Variants in DGKB observed in about 807,000 individuals in gnomAD.
The protein encoded by DGKB is 90 kDa diacylglycerol kinase.
A neutral mutation model predicts 114.3 loss-of-function variants in DGKB; 67 were observed. That is an observed-to-expected ratio of 0.59 (90% CI 0.48 to 0.72). DGKB has a LOEUF of 0.72. DGKB is among the 30% of genes least tolerant of loss of function. DGKB has a pLI of 0.00. For missense variants in DGKB, 907 were observed against 975.2 expected (o/e 0.93, Z 0.93); for synonymous variants, 398 against 323.1 (o/e 1.23, Z -2.49).
At chr7:14,358,460 T>C (rs1815029688) in intron 21 of DGKB, among the ~76,000 whole-genome samples, 1 of 152,142 alleles carries the variant, frequency 6.6e-6, no homozygotes, top group Non-Finnish European at 1.5e-5. Context: ...AAGTCTTCTC[T>C]GCATTGCTTA....
chr7:14,193,850 A>T (rs375558777), intron 23 of DGKB, among the ~76,000 whole-genome samples: 164 of 152,236 alleles, frequency 1.1e-3, no homozygotes, highest in African/African-American at 3.7e-3. Flanking sequence ...CAATGGGAAA[A>T]AAACCCCCAA....
intron 13 of DGKB, among the ~76,000 whole-genome samples, chr7:14,672,367 A>G (rs1037694745): frequency 2.0e-5 from 3 of 152,066 alleles, no homozygotes; most frequent in Admixed American, 1.3e-4. Flanking sequence ...CGTTCTTTTC[A>G]TAGTTACTTT....
chr7:14,957,568 CACCTAACAATG>C (rs1786584212), intron 1 of DGKB, among the ~76,000 whole-genome samples: 2 of 151,978 alleles, frequency 1.3e-5, no homozygotes, highest in Non-Finnish European at 2.9e-5. Context: ...AGCTTTTGTG[CACCTAACAATG>C]ATCTTGAAAC....
chr7:14,673,797 A>G (rs1819401388), intron 12 of DGKB, among the ~76,000 whole-genome samples: 1 of 152,126 alleles, frequency 6.6e-6, no homozygotes, highest in Non-Finnish European at 1.5e-5. Context: ...TTGGTAAAAT[A>G]ATACTTGCTT....
intron 20 of DGKB, among the ~76,000 whole-genome samples, chr7:14,495,503 AC>A (rs775184775): frequency 2.4e-4 from 37 of 151,926 alleles, no homozygotes; most frequent in Admixed American, 3.9e-4. Context: ...AATAGACGAA[AC>A]AAAACCAAGA....
At chr7:14,699,732 T>C (rs1824768607) in intron 7 of DGKB, among the ~76,000 whole-genome samples, 2 of 152,140 alleles carry the variant, frequency 1.3e-5, no homozygotes, top group Non-Finnish European at 2.9e-5. Context: ...GTAGTAGCTA[T>C]TGTGGAGAAA....
At chr7:14,182,802 G>T (rs1250711925) in intron 23 of DGKB, among the ~76,000 whole-genome samples, 2 of 152,150 alleles carry the variant, frequency 1.3e-5, no homozygotes, top group Admixed American at 6.5e-5. Context: ...GTCTCATTAT[G>T]TAATTGTTTC....
At chr7:14,859,621 CTTG>C (rs1347388817) in intron 1 of DGKB, among the ~76,000 whole-genome samples, 7 of 152,082 alleles carry the variant, frequency 4.6e-5, no homozygotes, top group African/African-American at 1.2e-4. Context: ...TTTCGTTTTC[CTTG>C]TTGTTGGAAT....
rs144689208 is a variant in DGKB at position 14,757,475 on chromosome 7, CAT to C, written c.147+178_147+179del. On this transcript the variant is annotated intron_variant, in intron 3 of 25. Transcript: ENST00000402815. ...TACATGGTAAATGGTTTATGGTGTG[CAT>C]ATATATATATATACACACACATACA... 6.9e-3 allele frequency among the ~76,000 whole-genome samples: 1,029 copies of C among 149,236 alleles called. 13 individuals carry two copies. The highest frequency in any genetic ancestry group is 0.023 in the African/African-American group (920 of 40,820).
chr7:14,542,537 A>G (rs147860744), intron 20 of DGKB, among the ~76,000 whole-genome samples: 44 of 152,326 alleles, frequency 2.9e-4, no homozygotes, highest in African/African-American at 9.6e-4. Context: ...AAGATTTTCT[A>G]TATAATTTCA....
chr7:14,759,993 C>T (rs906072914), intron 2 of DGKB, among the ~76,000 whole-genome samples: 1 of 152,140 alleles, frequency 6.6e-6, no homozygotes, highest in Non-Finnish European at 1.5e-5. Flanking sequence ...TCTGATTAGT[C>T]ATTCGCTAAT....
intron 12 of DGKB, among the ~76,000 whole-genome samples, chr7:14,677,245 G>C (rs371872926): frequency 2.1e-4 from 32 of 151,938 alleles, no homozygotes; most frequent in African/African-American, 7.5e-4. Context: ...AATGGGATCT[G>C]AGAAGTCAAA....
At chr7:14,290,504 A>C (rs1018182831) in intron 23 of DGKB, among the ~76,000 whole-genome samples, 2 of 152,126 alleles carry the variant, frequency 1.3e-5, no homozygotes, top group Admixed American at 1.3e-4. Flanking sequence ...ACGTCCATCA[A>C]AGCTGAGTTG....
intron 19 of DGKB, among the ~76,000 whole-genome samples, chr7:14,580,243 G>T (rs192526999): frequency 6.6e-6 from 1 of 152,192 alleles, no homozygotes; most frequent in East Asian, 1.9e-4. Flanking sequence ...TCATTATCTA[G>T]CTAGCAGTTT....
chr7:14,861,735 C>A (rs901917269), intron 1 of DGKB, among the ~76,000 whole-genome samples: 2 of 151,928 alleles, frequency 1.3e-5, no homozygotes, highest in Admixed American at 6.6e-5. Flanking sequence ...TTTGTCTGTG[C>A]TTGCTTCATT....
At chr7:14,184,442 C>T (rs761680896) in intron 23 of DGKB, among the ~76,000 whole-genome samples, 10 of 152,078 alleles carry the variant, frequency 6.6e-5, no homozygotes, top group Non-Finnish European at 1.5e-4. Flanking sequence ...CGTGGGGGCA[C>T]GGTGAGAGTT....
chr7:14,843,780 G>A (rs1413842178), intron 1 of DGKB, among the ~76,000 whole-genome samples: 2 of 152,176 alleles, frequency 1.3e-5, no homozygotes, highest in Non-Finnish European at 2.9e-5. Context: ...AAGCTTTCTA[G>A]GCAATGAAGC....
chr7:14,723,477 G>T (rs1359448254), intron 5 of DGKB, among the ~76,000 whole-genome samples: 1 of 151,998 alleles, frequency 6.6e-6, no homozygotes, highest in Admixed American at 6.6e-5. Context: ...ACTTAAAGTA[G>T]TATAATCTGC....
chr7:14,871,205 G>C (rs1296290479), intron 1 of DGKB, among the ~76,000 whole-genome samples: 2 of 152,032 alleles, frequency 1.3e-5, no homozygotes, highest in Non-Finnish European at 2.9e-5. Context: ...GATCACATCA[G>C]GCTAATTAGC....
Sources: gnomAD v4.1 joint callset for allele counts (sites outside exome capture counted in the v4.1 genomes callset) on GRCh38, gnomAD v4.1.1 for gene constraint, MANE v1.5 for transcripts, NCBI Gene and HGNC (gene_info 2026-07-23, HGNC 2026-07-21) for gene names.